BNC2: variants seen among roughly 807,000 people sequenced by gnomAD.
BNC2 encodes the protein zinc finger protein basonuclin-2.
A neutral mutation model predicts 76.3 loss-of-function variants in BNC2; 20 were observed. That is an observed-to-expected ratio of 0.26 (90% confidence interval 0.18 to 0.38). BNC2 has a LOEUF of 0.38. Among genes scored for constraint, BNC2 ranks in the 10% least tolerant of loss-of-function variants. The probability of loss-of-function intolerance (pLI) is 1.00; values close to 1 mark genes in which losing one functional copy is unlikely to be tolerated. For missense variants in BNC2, 1,382 were observed against 1,399.8 expected (o/e 0.99, Z 0.20); for synonymous variants, 582 against 514.8 (o/e 1.13, Z -1.77).
intron 1 of BNC2, among the ~76,000 whole-genome samples, chr9:16,789,100 T>C (rs997439102): frequency 7.2e-5 from 11 of 152,140 alleles, no homozygotes; most frequent in African/African-American, 9.7e-5. Context: ...CTCAGAAGTA[T>C]TATGCTAAAG....
At chr9:16,699,294 C>A (rs10738448) in intron 3 of BNC2, 2 of 446,288 alleles carry the variant, frequency 4.5e-6, no homozygotes, top group East Asian at 1.4e-4. Flanking sequence ...GAAGACAGGC[C>A]AACAGAATAG....
At chr9:16,473,427 G>C (rs1322550352) in intron 5 of BNC2, 2 of 152,126 alleles carry the variant, frequency 1.3e-5, no homozygotes, top group African/African-American at 4.8e-5. Context: ...TAACTTTTCT[G>C]AATTAAAAGG....
Position 16,413,477 on chromosome 9 carries a change from G to T in BNC2, c.*5512C>A, listed in dbSNP as rs548393102. ...TGGATTTTTCAACAAATGCCAAAAA[G>T]ACAGTATGCCGAATAACATAGTTAT... On this transcript the variant is annotated 3_prime_UTR_variant, in exon 7 of 7. Transcript: ENST00000380672. 6.6e-6 allele frequency: 1 copy of T among 151,722 alleles called. No individual in the cohort carries two copies. Among genetic ancestry groups the T allele is most frequent in the Non-Finnish European group, 1.5e-5 (1 of 67,972 alleles). The allele number at this position is 151,722 out of a possible 1,614,324, so 9.4% of individuals were successfully genotyped here.
chr9:16,770,842 C>G (rs1318084817), intron 1 of BNC2, among the ~76,000 whole-genome samples: 3 of 151,700 alleles, frequency 2.0e-5, no homozygotes, highest in Non-Finnish European at 2.9e-5. Flanking sequence ...CACTGCACTC[C>G]AGCCTCAGCG....
intron 3 of BNC2, among the ~76,000 whole-genome samples, chr9:16,627,449 A>G (rs1026232172): frequency 3.9e-5 from 6 of 152,194 alleles, no homozygotes; most frequent in African/African-American, 1.4e-4. Flanking sequence ...AATATTCACA[A>G]GCTCAAAAAC....
Position 16,425,509 on chromosome 9 carries a change from G to A in BNC2, c.2640-5860C>T, listed in dbSNP as rs74998041. The stretch of plus-strand genomic sequence containing the variant: ...CTGAGAAGCCATTTAACTTTGCAGG[G>A]GAAGCAATGTATTAATGTGCTTGTC... On this transcript the variant is annotated intron_variant, in intron 6 of 6. Coordinates refer to ENST00000380672, the MANE Select transcript of BNC2 (RefSeq NM_017637.6). 7.5e-3 allele frequency among the ~76,000 whole-genome samples: 1,135 copies of A among 152,194 alleles called. 10 individuals are homozygous for A. Among genetic ancestry groups the A allele is most frequent in the Middle Eastern group, 0.027 (8 of 294 alleles).
intron 6 of BNC2, chr9:16,431,470 G>A (rs761228533): frequency 5.3e-5 from 25 of 469,752 alleles, no homozygotes; most frequent in South Asian, 2.3e-4. Flanking sequence ...GTTCCAGGCC[G>A]GTTAGAATTT....
At chr9:16,807,967 C>T (rs1158927741) in intron 1 of BNC2, among the ~76,000 whole-genome samples, 2 of 151,948 alleles carry the variant, frequency 1.3e-5, no homozygotes, top group Admixed American at 1.3e-4. Flanking sequence ...GGCAGTCAGA[C>T]AAGATAATTA....
At chr9:16,843,795 C>T (rs1301038109) in intron 1 of BNC2, among the ~76,000 whole-genome samples, 5 of 152,144 alleles carry the variant, frequency 3.3e-5, no homozygotes, top group African/African-American at 1.2e-4. Flanking sequence ...AACAGTTACT[C>T]CCAATTGAAT....
intron 2 of BNC2, among the ~76,000 whole-genome samples, chr9:16,729,649 A>C (rs995954753): frequency 6.6e-6 from 1 of 152,220 alleles, no homozygotes; most frequent in African/African-American, 2.4e-5. Context: ...TTGCCTTAAA[A>C]TATATTAAGT....
At chr9:16,767,233 A>G (rs1441096289) in intron 1 of BNC2, among the ~76,000 whole-genome samples, 1 of 152,232 alleles carries the variant, frequency 6.6e-6, no homozygotes, top group Admixed American at 6.5e-5. Context: ...TCAAGTATTC[A>G]TCAAGTGCCC....
intron 1 of BNC2, among the ~76,000 whole-genome samples, chr9:16,833,562 T>C (rs566847546): frequency 1.3e-5 from 2 of 152,276 alleles, no homozygotes; most frequent in African/African-American, 4.8e-5. Context: ...AATTTTTTTT[T>C]CTCTCTGATG....
At chr9:16,779,496 C>T (rs1194282603) in intron 1 of BNC2, among the ~76,000 whole-genome samples, 2 of 152,094 alleles carry the variant, frequency 1.3e-5, no homozygotes, top group East Asian at 3.9e-4. Flanking sequence ...GCTCTGAAGG[C>T]ATTTCCAATT....
intron 1 of BNC2, among the ~76,000 whole-genome samples, chr9:16,843,551 C>A (rs553175383): frequency 2.0e-5 from 3 of 152,344 alleles, no homozygotes; most frequent in South Asian, 4.1e-4. Flanking sequence ...CCAGGCTGGT[C>A]TCCAACTCCT....
intron 3 of BNC2, chr9:16,665,322 A>T (rs1822239027): frequency 3.5e-6 from 1 of 283,598 alleles, no homozygotes; most frequent in Non-Finnish European, 6.8e-6. Context: ...GTAAGCTAAG[A>T]CCGTGCCACT....
chr9:16,554,777 C>A (rs1175494993), intron 4 of BNC2, among the ~76,000 whole-genome samples: 2 of 152,168 alleles, frequency 1.3e-5, no homozygotes, highest in Non-Finnish European at 2.9e-5. Context: ...TTCATCAGCT[C>A]TCCTCAACCG....
At chr9:16,656,525 T>C (rs184390292) in intron 3 of BNC2, among the ~76,000 whole-genome samples, 7 of 152,270 alleles carry the variant, frequency 4.6e-5, no homozygotes, top group Admixed American at 1.3e-4. Context: ...ATAACTGGTA[T>C]ACAAAAAACC....
At chr9:16,870,281 C>G (rs887582182) in intron 1 of BNC2, among the ~76,000 whole-genome samples, 3 of 152,190 alleles carry the variant, frequency 2.0e-5, no homozygotes, top group African/African-American at 7.2e-5. Context: ...TCCCCCACTC[C>G]CCTCCACCTC....
chr9:16,715,674 G>C (rs1823978875), intron 3 of BNC2, among the ~76,000 whole-genome samples: 1 of 152,198 alleles, frequency 6.6e-6, no homozygotes, highest in South Asian at 2.1e-4. Context: ...ATTCCCACCT[G>C]GTAACAATCG....
Sources: allele counts gnomAD v4.1 joint callset (sites outside exome capture counted in the v4.1 genomes callset), GRCh38; gene constraint gnomAD v4.1.1; transcripts MANE v1.5; gene names NCBI Gene and HGNC (gene_info 2026-07-23, HGNC 2026-07-21).